MAP3K7CL: variants seen among roughly 807,000 people sequenced by gnomAD.
The protein encoded by MAP3K7CL is MAP3K7 C-terminal like, also known as MAP3K7 C-terminal-like protein.
In MAP3K7CL, 16 loss-of-function variants were observed where a neutral mutation model predicts 18.6. That is an observed-to-expected ratio of 0.86 (90% CI 0.58 to 1.31). The LOEUF (loss-of-function observed/expected upper bound fraction) is 1.31. MAP3K7CL is among the 50% of genes most tolerant of loss of function. The probability of loss-of-function intolerance (pLI) is 0.00; values close to 1 mark genes in which losing one functional copy is unlikely to be tolerated. For synonymous variants in MAP3K7CL, 65 were observed against 66.8 expected, an observed-to-expected ratio of 0.97 and a Z score of 0.13; for missense variants, 163 against 174.4, an observed-to-expected ratio of 0.93 and a Z score of 0.37.
chr21:29,162,704 A>T (rs1353996898), intron 4 of MAP3K7CL, among the ~76,000 whole-genome samples: 1 of 151,398 alleles, frequency 6.6e-6, no homozygotes, highest in South Asian at 2.1e-4. Context: ...AAAAAATGAT[A>T]TGGTAGGATA....
At position 29,130,763 on chromosome 21, in the gene MAP3K7CL, G is replaced by A. The variant is rs890173100; in HGVS notation, c.-200G>A. 26 of 985,416 alleles carry A rather than the reference G, an allele frequency of 2.6e-5. No homozygotes were observed. The highest frequency in any genetic ancestry group is 9.4e-5 in the South Asian group (2 of 21,290). 61.0% of individuals were successfully genotyped at this position (985,416 alleles called of 1,614,324 possible). On this transcript the variant is annotated 5_prime_UTR_variant, in exon 1 of 5. In the 5' UTR this introduces an upstream ATG that the reference lacks. Transcript: ENST00000399928. The stretch of plus-strand genomic sequence containing the variant: ...GGTCTGGGGCAGAGCAGGTAGCAGC[G>A]TGCTGCCCTGACAGCTGTCTCCGCT...
At chr21:29,078,819 G>T (rs1440038258) in intron 1 of MAP3K7CL, among the ~76,000 whole-genome samples, 2 of 152,206 alleles carry the variant, frequency 1.3e-5, no homozygotes, top group African/African-American at 4.8e-5. Context: ...CGACTACCAT[G>T]TTGGTCCCAC....
intron 4 of MAP3K7CL, among the ~76,000 whole-genome samples, chr21:29,111,834 A>G (rs745828457): frequency 1.3e-5 from 2 of 152,204 alleles, no homozygotes; most frequent in Admixed American, 6.5e-5. Context: ...GCTTTTTGTG[A>G]ATACTGTGTT....
chr21:29,160,105 A>G (rs1214197734), intron 4 of MAP3K7CL, 49 bp downstream of exon 4: 1 of 1,488,880 alleles, frequency 6.7e-7, no homozygotes, highest in South Asian at 1.1e-5. Context: ...CCTACTGGGC[A>G]AGGACCAGGG....
chr21:29,093,920 A>G (rs2086075297), intron 4 of MAP3K7CL, among the ~76,000 whole-genome samples: 1 of 152,212 alleles, frequency 6.6e-6, no homozygotes, highest in Non-Finnish European at 1.5e-5. Flanking sequence ...CCCTCCTTCT[A>G]GGATTACTGT....
intron 1 of MAP3K7CL, among the ~76,000 whole-genome samples, chr21:29,090,772 T>A (rs549842558): frequency 3.6e-4 from 54 of 150,524 alleles, no homozygotes; most frequent in South Asian, 6.3e-4. Context: ...TTTTTTTTTT[T>A]AAAATTGCTG....
chr21:29,141,532 AG>A (rs369586271), intron 2 of MAP3K7CL, among the ~76,000 whole-genome samples: 38,840 of 149,408 alleles, frequency 0.26, 5,527 homozygotes, highest in Non-Finnish European at 0.34. Context: ...AAAAAAAAAA[AG>A]AGAGAAATTG....
At chr21:29,165,675 G>T (rs962855884) in intron 4 of MAP3K7CL, among the ~76,000 whole-genome samples, 1 of 152,182 alleles carries the variant, frequency 6.6e-6, no homozygotes, top group South Asian at 2.1e-4. Flanking sequence ...AGGTTCAAGC[G>T]ATCCTCCTAC....
intron 3 of MAP3K7CL, among the ~76,000 whole-genome samples, chr21:29,149,971 C>T (rs1053391468): frequency 6.6e-6 from 1 of 152,188 alleles, no homozygotes; most frequent in Non-Finnish European, 1.5e-5. Flanking sequence ...ACTTTGTAGT[C>T]ACATTTAGGC....
chr21:29,135,747 T>A (rs1051337251), intron 2 of MAP3K7CL, among the ~76,000 whole-genome samples: 1 of 152,210 alleles, frequency 6.6e-6, no homozygotes, highest in Non-Finnish European at 1.5e-5. Flanking sequence ...CTTTCTCTTC[T>A]CTTTCAAATG....
intron 2 of MAP3K7CL, among the ~76,000 whole-genome samples, chr21:29,144,058 C>A (rs980790690): frequency 6.6e-6 from 1 of 152,084 alleles, no homozygotes; most frequent in African/African-American, 2.4e-5. Flanking sequence ...TAAAGGGATA[C>A]TAATGATATC....
chr21:29,159,302 C>T (rs747859327), intron 3 of MAP3K7CL, among the ~76,000 whole-genome samples: 3 of 152,222 alleles, frequency 2.0e-5, no homozygotes, highest in Admixed American at 6.5e-5. Context: ...AGGCTTGCCA[C>T]GCTGGCCTTT....
intron 2 of MAP3K7CL, among the ~76,000 whole-genome samples, chr21:29,141,543 G>A (rs896355946): frequency 6.6e-6 from 1 of 151,150 alleles, no homozygotes; most frequent in Non-Finnish European, 1.5e-5. Context: ...GAGAGAAATT[G>A]TCCTTAACTG....
chr21:29,140,349 TG>T (rs1157425575), intron 2 of MAP3K7CL, among the ~76,000 whole-genome samples: 1 of 152,138 alleles, frequency 6.6e-6, no homozygotes, highest in African/African-American at 2.4e-5. Flanking sequence ...AGAAAGAAGG[TG>T]AGTGTTCATT....
At position 29,160,024 on chromosome 21, in the gene MAP3K7CL, C is replaced by A; in HGVS notation, c.216C>A (p.Val72=). 6.2e-7 allele frequency: 1 copy of A among 1,613,924 alleles called. No homozygotes were observed. Among genetic ancestry groups the A allele is most frequent in the South Asian group, 1.1e-5 (1 of 91,064 alleles). ...HCQIAEEYHE[V]KKEITLLEQR... ...AAATAGCAGAAGAATACCATGAGGT[C>A]AAAAAGGAAATCACCCTGCTTGAGC... The change falls in exon 4 of 5, where the codon GTC becomes GTA. Residue 72 remains valine, a synonymous_variant. Transcript: ENST00000399928.
At chr21:29,164,635 A>C (rs2087640138) in intron 4 of MAP3K7CL, among the ~76,000 whole-genome samples, 1 of 152,236 alleles carries the variant, frequency 6.6e-6, no homozygotes, top group Non-Finnish European at 1.5e-5. Flanking sequence ...TGGATGGAGA[A>C]AGAGAGTCAA....
intron 4 of MAP3K7CL, among the ~76,000 whole-genome samples, chr21:29,120,816 A>T (rs1267427755): frequency 3.3e-5 from 5 of 151,446 alleles, no homozygotes. Flanking sequence ...CTATAATCCC[A>T]GCACTTTGGG....
chr21:29,150,193 C>A (rs2087236641), intron 3 of MAP3K7CL, among the ~76,000 whole-genome samples: 1 of 152,198 alleles, frequency 6.6e-6, no homozygotes. Flanking sequence ...CATTCTTATT[C>A]CTGGACAGCC....
At chr21:29,104,067 T>C (rs1195031814) in intron 4 of MAP3K7CL, among the ~76,000 whole-genome samples, 1 of 152,184 alleles carries the variant, frequency 6.6e-6, no homozygotes, top group Non-Finnish European at 1.5e-5. Flanking sequence ...GCCATGATGT[T>C]GTTTACTTTT....
Sources: allele counts gnomAD v4.1 joint callset (sites outside exome capture counted in the v4.1 genomes callset), GRCh38; gene constraint gnomAD v4.1.1; transcripts MANE v1.5; gene names NCBI Gene and HGNC (gene_info 2026-07-23, HGNC 2026-07-21).